The following CNTN5 variants were observed in gnomAD, a reference collection of about 807,000 sequenced individuals.
CNTN5 encodes the protein contactin-5.
CNTN5 carries 77 observed loss-of-function variants against 129.1 expected under a neutral mutation model. That is an observed-to-expected ratio of 0.60 (90% CI 0.50 to 0.72). The LOEUF (loss-of-function observed/expected upper bound fraction) is 0.72. Among genes scored for constraint, CNTN5 ranks in the 30% least tolerant of loss-of-function variants. CNTN5 has a pLI of 0.00. For missense variants in CNTN5, 1,478 were observed against 1,328.8 expected, an observed-to-expected ratio of 1.11 and a Z score of -1.75; for synonymous variants, 509 against 465.6, an observed-to-expected ratio of 1.09 and a Z score of -1.20.
chr11:99,553,136 TG>T (rs1179018212), intron 2 of CNTN5, among the ~76,000 whole-genome samples: 3 of 152,184 alleles, frequency 2.0e-5, no homozygotes, highest in Non-Finnish European at 4.4e-5. Context: ...CATTATTCTT[TG>T]AATGTAATAG....
intron 7 of CNTN5, among the ~76,000 whole-genome samples, chr11:99,936,065 T>C (rs536385452): frequency 6.6e-6 from 1 of 152,298 alleles, no homozygotes; most frequent in African/African-American, 2.4e-5. Flanking sequence ...CCATCAAATC[T>C]ATTTCAAGAA....
chr11:99,704,459 CCAAA>C (rs1256163774), intron 3 of CNTN5, among the ~76,000 whole-genome samples: 1 of 150,898 alleles, frequency 6.6e-6, no homozygotes, highest in Non-Finnish European at 1.5e-5. Context: ...GTTACAAAAA[CCAAA>C]CAAATTGAGC....
At chr11:99,626,871 T>C (rs1274473908) in intron 3 of CNTN5, among the ~76,000 whole-genome samples, 2 of 152,152 alleles carry the variant, frequency 1.3e-5, no homozygotes, top group Non-Finnish European at 2.9e-5. Flanking sequence ...AAATGTATGT[T>C]CTTTTAGAAA....
At chr11:99,515,559 A>G (rs1427885976) in intron 2 of CNTN5, among the ~76,000 whole-genome samples, 1 of 152,058 alleles carries the variant, frequency 6.6e-6, no homozygotes, top group African/African-American at 2.4e-5. Flanking sequence ...CATAGAATTC[A>G]CTTAGAAAAA....
At chr11:99,763,081 C>G (rs963826328) in intron 3 of CNTN5, among the ~76,000 whole-genome samples, 13 of 152,076 alleles carry the variant, frequency 8.5e-5, no homozygotes, top group Admixed American at 2.6e-4. Flanking sequence ...CTCTCTGTAT[C>G]AAAACATAAC....
chr11:99,679,080 G>C (rs1487825963), intron 3 of CNTN5, among the ~76,000 whole-genome samples: 2 of 143,336 alleles, frequency 1.4e-5, no homozygotes, highest in East Asian at 4.0e-4. Flanking sequence ...TCTATATATA[G>C]GAAATACATA....
chr11:100,093,782 A>C (rs1196741261), intron 13 of CNTN5, among the ~76,000 whole-genome samples: 2 of 152,058 alleles, frequency 1.3e-5, no homozygotes, highest in Non-Finnish European at 2.9e-5. Context: ...GAATACAGAC[A>C]CCTAGGCCCC....
At chr11:99,832,672 C>G (rs1216970854) in intron 4 of CNTN5, among the ~76,000 whole-genome samples, 1 of 152,110 alleles carries the variant, frequency 6.6e-6, no homozygotes, top group South Asian at 2.1e-4. Context: ...AAAAATTTTT[C>G]TCACCTTGTA....
intron 8 of CNTN5, among the ~76,000 whole-genome samples, chr11:99,991,831 A>G (rs1388682722): frequency 1.3e-5 from 2 of 152,054 alleles, no homozygotes; most frequent in East Asian, 1.9e-4. Context: ...AAAAGTTTCA[A>G]CCTCAGCTGC....
At chr11:99,814,590 C>T (rs1194526391) in intron 3 of CNTN5, among the ~76,000 whole-genome samples, 2 of 151,956 alleles carry the variant, frequency 1.3e-5, no homozygotes, top group East Asian at 1.9e-4. Context: ...AAAAACAGTC[C>T]AGGGTGAAGA....
At chr11:99,588,343 C>CAAAAAAAAAAAAAAA (rs149362368) in intron 3 of CNTN5, among the ~76,000 whole-genome samples, 1 of 93,040 alleles carries the variant, frequency 1.1e-5, no homozygotes, top group African/African-American at 4.1e-5. Flanking sequence ...GACTCCTTCT[C>CAAAAAAAAAAAAAAA]AAAAAAAAAA....
intron 10 of CNTN5, among the ~76,000 whole-genome samples, chr11:100,069,765 A>G (rs909738994): frequency 2.0e-5 from 3 of 152,138 alleles, no homozygotes; most frequent in East Asian, 1.9e-4. Context: ...ATTTGTAAAG[A>G]AAGAGTCAGC....
At chr11:99,997,330 A>G (rs904807113) in intron 8 of CNTN5, among the ~76,000 whole-genome samples, 12 of 152,156 alleles carry the variant, frequency 7.9e-5, no homozygotes, top group Admixed American at 7.2e-4. Flanking sequence ...TTGTGATGTT[A>G]GGGTGTCAAT....
chr11:100,146,633 AC>A lies in CNTN5; in HGVS notation c.1581-44492del, dbSNP rs763232677. Among the ~76,000 whole-genome samples the A allele has an allele frequency of 2.0e-3, 297 of 152,250 alleles. 1 individual carries two copies. The highest frequency in any genetic ancestry group is 3.4e-3 in the Middle Eastern group (1 of 294). ...CATTTCAAAATAAGAACTCCACAGA[AC>A]GTTTAATTACTATTCTCAGCGAGTA... On this transcript the variant is annotated intron_variant, in intron 13 of 24. Coordinates refer to ENST00000524871, the MANE Select transcript of CNTN5 (RefSeq NM_014361.4).
intron 6 of CNTN5, among the ~76,000 whole-genome samples, chr11:99,864,227 A>G (rs1948293587): frequency 6.6e-6 from 1 of 152,056 alleles, no homozygotes; most frequent in Admixed American, 6.6e-5. Flanking sequence ...AAAGAAATCC[A>G]TTTATCCTTC....
chr11:99,352,939 C>T (rs1938398608), intron 2 of CNTN5, among the ~76,000 whole-genome samples: 1 of 152,180 alleles, frequency 6.6e-6, no homozygotes, highest in Admixed American at 6.5e-5. Context: ...GTCTGCCTCA[C>T]TGACCAGGCA....
At chr11:99,310,245 T>C (rs1017625885) in intron 1 of CNTN5, among the ~76,000 whole-genome samples, 4 of 152,136 alleles carry the variant, frequency 2.6e-5, no homozygotes, top group African/African-American at 4.8e-5. Flanking sequence ...GGAAATAATA[T>C]AGTAATTTTA....
chr11:99,851,903 G>A (rs1272824135), intron 6 of CNTN5, among the ~76,000 whole-genome samples: 1 of 152,074 alleles, frequency 6.6e-6, no homozygotes, highest in Non-Finnish European at 1.5e-5. Context: ...ATTGACCTTA[G>A]AGTTTAAAAC....
intron 7 of CNTN5, among the ~76,000 whole-genome samples, chr11:99,946,317 G>A (rs540646685): frequency 6.6e-5 from 10 of 151,968 alleles, no homozygotes; most frequent in Admixed American, 1.3e-4. Context: ...AAATATCACC[G>A]AGTCAATCAC....
Sources: gnomAD v4.1 joint callset for allele counts (sites outside exome capture counted in the v4.1 genomes callset) on GRCh38, gnomAD v4.1.1 for gene constraint, MANE v1.5 for transcripts, NCBI Gene and HGNC (gene_info 2026-07-23, HGNC 2026-07-21) for gene names.